Variants in STK32B observed in about 807,000 individuals in gnomAD.
STK32B encodes the protein serine/threonine-protein kinase 32B.
In STK32B, 43 loss-of-function variants were observed where a neutral mutation model predicts 52.6. That is an observed-to-expected ratio of 0.82 (90% CI 0.64 to 1.05). STK32B has a LOEUF of 1.05. Ranked by LOEUF, STK32B falls within the 50% of genes least tolerant of loss-of-function variation. STK32B has a pLI of 0.00. For synonymous variants in STK32B, 238 were observed against 204.3 expected, an observed-to-expected ratio of 1.17 and a Z score of -1.41; for missense variants, 621 against 534.6, an observed-to-expected ratio of 1.16 and a Z score of -1.59.
rs183770390 is a variant in STK32B, at chr4:5,268,047, C to A, written c.261-63173C>A. Among the ~76,000 whole-genome samples the A allele has an allele frequency of 8.2e-4, 125 of 152,276 alleles. 1 individual carries two copies. Among genetic ancestry groups the A allele is most frequent in the Non-Finnish European group, 4.1e-4 (28 of 68,026 alleles). On this transcript the variant is annotated intron_variant, in intron 3 of 11. Coordinates refer to ENST00000282908, the MANE Select transcript of STK32B (RefSeq NM_018401.3). ...GACAGCAGTTGGTTCAGGAGCCATT[C>A]TGTTCTGCTTGCCAGCAGCCTGTGG...
At chr4:5,297,425 A>G (rs1227296042) in intron 3 of STK32B, among the ~76,000 whole-genome samples, 1 of 151,444 alleles carries the variant, frequency 6.6e-6, no homozygotes, top group Non-Finnish European at 1.5e-5. Context: ...AATCTGTTGT[A>G]GTTTTGGTCT....
chr4:5,441,777 G>A (rs1462304746), intron 6 of STK32B, among the ~76,000 whole-genome samples: 2 of 145,404 alleles, frequency 1.4e-5, no homozygotes, highest in East Asian at 4.3e-4. Context: ...TGCTTTGAAT[G>A]TGTCCCAGAG....
At chr4:5,036,947 T>C in the STK32B span, among the ~76,000 whole-genome samples, 1 of 152,058 alleles carries the variant, frequency 6.6e-6, no homozygotes, top group African/African-American at 2.4e-5. Flanking sequence ...ATTATAGGCA[T>C]GAGACACTGT....
rs78773544 is a variant in STK32B, at chr4:5,423,805, G to A, written c.562+6871G>A. The stretch of plus-strand genomic sequence containing the variant: ...GTCCAGAGGGGTGGTGGTGGTGATG[G>A]AAGCAGAGGCCTGTCTGCAGTGCAG... On this transcript the variant is annotated intron_variant, in intron 6 of 11. Coordinates refer to ENST00000282908, the MANE Select transcript of STK32B (RefSeq NM_018401.3). 5.1e-3 allele frequency among the ~76,000 whole-genome samples: 779 copies of A among 152,266 alleles called. 24 individuals carry two copies. The East Asian group carries it at 0.076, about 15-fold the overall frequency.
At chr4:5,347,572 T>C (rs1328664604) in intron 4 of STK32B, among the ~76,000 whole-genome samples, 2 of 152,166 alleles carry the variant, frequency 1.3e-5, no homozygotes. Context: ...GCTGACTACA[T>C]ACATTTGGTA....
intron 3 of STK32B, among the ~76,000 whole-genome samples, chr4:5,224,789 G>C (rs1469097577): frequency 6.6e-6 from 1 of 152,046 alleles, no homozygotes; most frequent in Non-Finnish European, 1.5e-5. Flanking sequence ...TATCAACTCT[G>C]AGTATAAATC....
chr4:5,414,720 A>G (rs894222203), intron 5 of STK32B, among the ~76,000 whole-genome samples: 1 of 152,256 alleles, frequency 6.6e-6, no homozygotes. Context: ...GAGAAATCAT[A>G]TATACATTTG....
intron 1 of STK32B, among the ~76,000 whole-genome samples, chr4:5,121,920 GC>G: frequency 6.6e-6 from 1 of 152,222 alleles, no homozygotes; most frequent in Non-Finnish European, 1.5e-5. Flanking sequence ...GGAGAACACA[GC>G]CCAGGCCTGT....
At chr4:5,188,891 G>C (rs1021719127) in intron 3 of STK32B, among the ~76,000 whole-genome samples, 1 of 151,318 alleles carries the variant, frequency 6.6e-6, no homozygotes, top group African/African-American at 2.4e-5. Flanking sequence ...GAGGAATAGC[G>C]TTAGGAGAAA....
intron 3 of STK32B, among the ~76,000 whole-genome samples, chr4:5,282,250 C>T (rs948139813): frequency 2.0e-5 from 3 of 152,090 alleles, no homozygotes; most frequent in Non-Finnish European, 2.9e-5. Context: ...ATGAAACTGG[C>T]CCTCTGCATC....
At chr4:5,128,591 C>T (rs1715556459) in intron 1 of STK32B, among the ~76,000 whole-genome samples, 1 of 152,156 alleles carries the variant, frequency 6.6e-6, no homozygotes, top group African/African-American at 2.4e-5. Context: ...AACTAGAAAG[C>T]AAAGCAGTTT....
chr4:5,150,883 G>A (rs1717309320), intron 2 of STK32B, among the ~76,000 whole-genome samples: 1 of 152,090 alleles, frequency 6.6e-6, no homozygotes, highest in Non-Finnish European at 1.5e-5. Flanking sequence ...GAGATTTTAT[G>A]GCTTCAGGAA....
chr4:5,402,831 G>T (rs1737402305), intron 5 of STK32B, among the ~76,000 whole-genome samples: 1 of 152,186 alleles, frequency 6.6e-6, no homozygotes, highest in African/African-American at 2.4e-5. Flanking sequence ...GGCAGCAGAA[G>T]GTGGCTGAGG....
intron 6 of STK32B, among the ~76,000 whole-genome samples, chr4:5,437,517 T>C (rs1424743671): frequency 6.6e-6 from 1 of 152,214 alleles, no homozygotes; most frequent in African/African-American, 2.4e-5. Context: ...GGGCCCAATC[T>C]AAATCCAGGA....
At chr4:5,188,159 A>G (rs946309248) in intron 3 of STK32B, among the ~76,000 whole-genome samples, 1 of 152,200 alleles carries the variant, frequency 6.6e-6, no homozygotes, top group African/African-American at 2.4e-5. Flanking sequence ...TGTGAATAAT[A>G]TCCTATAAAT....
At chr4:5,228,960 T>C (rs1006321720) in intron 3 of STK32B, among the ~76,000 whole-genome samples, 7 of 151,952 alleles carry the variant, frequency 4.6e-5, no homozygotes, top group Non-Finnish European at 7.4e-5. Flanking sequence ...AGTGCGAAAC[T>C]CCGTCTCAAA....
At chr4:5,215,190 C>T (rs779293986) in intron 3 of STK32B, among the ~76,000 whole-genome samples, 4 of 152,170 alleles carry the variant, frequency 2.6e-5, no homozygotes, top group Non-Finnish European at 2.9e-5. Context: ...GGGCCCAGAG[C>T]TCTGAGAACA....
At position 5,470,023 on chromosome 4, in the gene STK32B, C is replaced by T. The variant is rs1188767955; in HGVS notation, c.1106+1953C>T. ...GCAGCTGCTGGCAAACGTGAGCCTGCAAAAAGCTAAGCTGTGTGGGACCCA... is the reference window on the plus strand; with the variant it reads ...GCAGCTGCTGGCAAACGTGAGCCTGTAAAAAGCTAAGCTGTGTGGGACCCA... On this transcript the variant is annotated intron_variant, in intron 11 of 11. Coordinates refer to ENST00000282908, the MANE Select transcript of STK32B (RefSeq NM_018401.3). The surrounding 1 kb of genome is among the most constrained non-coding windows in gnomAD (Gnocchi z 4.6). Among the ~76,000 whole-genome samples the T allele has an allele frequency of 6.6e-6, 1 of 152,122 alleles. No homozygotes were observed. Among genetic ancestry groups the T allele is most frequent in the African/African-American group, 2.4e-5 (1 of 41,428 alleles).
chr4:5,359,207 C>T (rs1247488571), intron 4 of STK32B, among the ~76,000 whole-genome samples: 6 of 152,024 alleles, frequency 3.9e-5, no homozygotes, highest in African/African-American at 1.2e-4. Flanking sequence ...TGTATTTTTC[C>T]ATATTTATAG....
Sources: gnomAD v4.1 joint callset for allele counts (sites outside exome capture counted in the v4.1 genomes callset) on GRCh38, gnomAD v4.1.1 for gene constraint, Gnocchi (gnomAD v3.1) non-coding constraint, MANE v1.5 for transcripts, NCBI Gene and HGNC (gene_info 2026-07-23, HGNC 2026-07-21) for gene names.